The following CD226 variants were observed in gnomAD, a reference collection of about 807,000 sequenced individuals.
CD226 encodes CD226 antigen.
CD226 carries 24 observed loss-of-function variants against 34.9 expected under a neutral mutation model. That is an observed-to-expected ratio of 0.69 (90% CI 0.50 to 0.97). CD226 has a LOEUF of 0.97. CD226 is among the 50% of genes least tolerant of loss of function. The pLI is 0.00. For synonymous variants in CD226, 148 were observed against 147.4 expected, an observed-to-expected ratio of 1.00 and a Z score of -0.03; for missense variants, 397 against 412.7, an observed-to-expected ratio of 0.96 and a Z score of 0.33.
At position 69,902,335 on chromosome 18, in the gene CD226, C is replaced by T. The variant is rs368272045; in HGVS notation, c.383-6290G>A. ...TCCAGGAGTGGGTTCCCATCCTGCT[C>T]GGCCTCACCCTTTCCCATGTGTGCT... On this transcript the variant is annotated intron_variant, in intron 2 of 5. Coordinates refer to ENST00000582621, the MANE Select transcript of CD226 (RefSeq NM_001303618.2). 3.9e-5 allele frequency among the ~76,000 whole-genome samples: 6 copies of T among 152,066 alleles called. No homozygotes were observed. In the East Asian group the frequency reaches 9.7e-4, roughly 25 times the overall value.
At chr18:69,905,900 G>T (rs1420960976) in intron 2 of CD226, among the ~76,000 whole-genome samples, 1 of 152,180 alleles carries the variant, frequency 6.6e-6, no homozygotes, top group Non-Finnish European at 1.5e-5. Flanking sequence ...GTCTGTCAAA[G>T]ATTCTCTCAC....
intron 2 of CD226, among the ~76,000 whole-genome samples, chr18:69,932,176 C>A (rs1345478635): frequency 6.6e-6 from 1 of 152,192 alleles, no homozygotes; most frequent in Non-Finnish European, 1.5e-5. Flanking sequence ...ACACAATTCT[C>A]CTGACTTGTC....
chr18:69,873,278 G>A (rs1983656747), intron 3 of CD226, 32 bp from the exon 4 acceptor site: 7 of 1,172,996 alleles, frequency 6.0e-6, no homozygotes, highest in Non-Finnish European at 8.9e-6. Context: ...GTAGGAATTA[G>A]GAATTCAGCC....
chr18:69,890,157 G>A (rs964089740), intron 3 of CD226, among the ~76,000 whole-genome samples: 9 of 152,308 alleles, frequency 5.9e-5, no homozygotes, highest in African/African-American at 2.2e-4. Flanking sequence ...AATGGACACA[G>A]CCCCTACTAG....
intron 2 of CD226, among the ~76,000 whole-genome samples, chr18:69,942,415 T>C (rs970579017): frequency 2.6e-5 from 4 of 152,230 alleles, no homozygotes; most frequent in African/African-American, 7.2e-5. Flanking sequence ...TGTAATCTTT[T>C]AGGTGGTGAA....
At chr18:69,876,689 A>G (rs773238873) in intron 3 of CD226, among the ~76,000 whole-genome samples, 42 of 152,124 alleles carry the variant, frequency 2.8e-4, no homozygotes, top group Admixed American at 7.2e-4. Flanking sequence ...TTTCCCCCAC[A>G]GTAACAGGCA....
chr18:69,945,394 C>A (rs1217466923), intron 2 of CD226, among the ~76,000 whole-genome samples: 1 of 152,226 alleles, frequency 6.6e-6, no homozygotes, highest in Non-Finnish European at 1.5e-5. Flanking sequence ...CCAAGTGTTT[C>A]CAATATACTA....
At chr18:69,912,136 T>C (rs945900286) in intron 2 of CD226, among the ~76,000 whole-genome samples, 39 of 152,168 alleles carry the variant, frequency 2.6e-4, no homozygotes, top group African/African-American at 6.5e-4. Flanking sequence ...TTACACCTTA[T>C]ACAAAAATTA....
Position 69,864,004 on chromosome 18 carries a change from C to A in CD226, c.*310G>T. On this transcript the variant is annotated 3_prime_UTR_variant, in exon 6 of 6. Coordinates refer to ENST00000582621, the MANE Select transcript of CD226 (RefSeq NM_001303618.2). The stretch of plus-strand genomic sequence containing the variant: ...AAAGGGATTCAGAAGCCAGTTTATG[C>A]CCATACTTAATTCTAGACACAACAT... 5.0e-6 allele frequency: 1 copy of A among 200,218 alleles called. No homozygotes were observed. 12.4% of individuals were successfully genotyped at this position (200,218 alleles called of 1,614,324 possible).
At chr18:69,900,600 C>T (rs1048416335) in intron 2 of CD226, among the ~76,000 whole-genome samples, 15 of 150,780 alleles carry the variant, frequency 9.9e-5, no homozygotes, top group Admixed American at 3.3e-4. Flanking sequence ...GGCGCGGTGG[C>T]GGGCGCCTGT....
intron 1 of CD226, among the ~76,000 whole-genome samples, chr18:69,955,750 C>A (rs2055891526): frequency 6.6e-6 from 1 of 151,796 alleles, no homozygotes; most frequent in Non-Finnish European, 1.5e-5. Context: ...GTAGTCCCAG[C>A]TACTCAGGAG....
chr18:69,923,076 T>C (rs1018480801), intron 2 of CD226, among the ~76,000 whole-genome samples: 1 of 151,602 alleles, frequency 6.6e-6, no homozygotes, highest in African/African-American at 2.4e-5. Flanking sequence ...GAGGTTGCAG[T>C]GATCCGAGAT....
At chr18:69,947,138 T>C (rs1175555919) in intron 1 of CD226, 69 bp from the exon 2 acceptor site, 1 of 1,309,456 alleles carries the variant, frequency 7.6e-7, no homozygotes, top group African/African-American at 1.5e-5. Flanking sequence ...ATCTTAAGCT[T>C]TTGAAGACCT....
At chr18:69,892,631 T>G (rs1984972032) in intron 3 of CD226, among the ~76,000 whole-genome samples, 1 of 152,192 alleles carries the variant, frequency 6.6e-6, no homozygotes, top group East Asian at 1.9e-4. Context: ...TCTCCTCTGT[T>G]CAAAACCAAT....
intron 3 of CD226, among the ~76,000 whole-genome samples, chr18:69,878,044 G>A (rs1788243): frequency 0.2 from 29,877 of 152,110 alleles, 3,574 homozygotes; most frequent in African/African-American, 0.33. Flanking sequence ...AAAAGGAAAA[G>A]CAAATGGGTA....
rs140832057 is a variant in CD226 at position 69,883,782 on chromosome 18, T to C, written c.728-10536A>G. 3.5e-4 allele frequency among the ~76,000 whole-genome samples: 53 copies of C among 152,346 alleles called. No individual in the cohort carries two copies. In the South Asian group the frequency reaches 5.2e-3, roughly 15 times the overall value. ...TTCTTATAACAATAGAAATATCATC[T>C]TAAAATGAGCCATCAGTATTAAAAG... On this transcript the variant is annotated intron_variant, in intron 3 of 5. Coordinates refer to ENST00000582621, the MANE Select transcript of CD226 (RefSeq NM_001303618.2).
chr18:69,880,324 GAA>G (rs1428264993), intron 3 of CD226, among the ~76,000 whole-genome samples: 1 of 74,760 alleles, frequency 1.3e-5, no homozygotes, highest in Non-Finnish European at 2.6e-5. Flanking sequence ...GAAAGAAAAA[GAA>G]AGAGAGAAAG....
At chr18:69,876,919 A>G (rs1568162364) in intron 3 of CD226, among the ~76,000 whole-genome samples, 1 of 131,738 alleles carries the variant, frequency 7.6e-6, no homozygotes, top group Non-Finnish European at 1.5e-5. Context: ...GCTGGAGTAC[A>G]ATGGCAGGAT....
intron 2 of CD226, among the ~76,000 whole-genome samples, chr18:69,915,278 A>G (rs1307970982): frequency 1.3e-5 from 2 of 152,202 alleles, no homozygotes; most frequent in Admixed American, 1.3e-4. Context: ...CAAATGATCA[A>G]AGAGTCCATA....
Sources: allele counts gnomAD v4.1 joint callset (sites outside exome capture counted in the v4.1 genomes callset), GRCh38; gene constraint gnomAD v4.1.1; transcripts MANE v1.5; gene names NCBI Gene and HGNC (gene_info 2026-07-23, HGNC 2026-07-21).